The following COPRS variants were observed in gnomAD, a reference collection of about 807,000 sequenced individuals.
COPRS encodes the protein coordinator of PRMT5 and differentiation stimulator.
COPRS carries 11 observed loss-of-function variants against 19.9 expected under a neutral mutation model. The observed-to-expected ratio is 0.55, with a 90% CI of 0.35 to 0.92. COPRS has a LOEUF of 0.92. Among genes scored for constraint, COPRS ranks in the 40% least tolerant of loss-of-function variants. COPRS has a pLI of 0.01. For missense variants in COPRS, 225 were observed against 229.9 expected, an observed-to-expected ratio of 0.98 and a Z score of 0.14; for synonymous variants, 81 against 82.7, an observed-to-expected ratio of 0.98 and a Z score of 0.11.
intron 2 of COPRS, 67 bp downstream of exon 2, chr17:31,856,732 G>A: frequency 1.0e-6 from 1 of 978,848 alleles, no homozygotes; most frequent in Non-Finnish European, 1.7e-6. Context: ...AGGTAAATGA[G>A]ACAGAGGGAC....
In COPRS at chr17:31,852,817, G is replaced by C. The variant is rs767147446; in HGVS notation, c.380C>G (p.Pro127Arg). The C allele has an allele frequency of 6.2e-7, 1 of 1,612,360 alleles. No homozygotes were observed. The highest frequency in any genetic ancestry group is 8.5e-7 in the Non-Finnish European group (1 of 1,178,490). ...CCCAGAGACTCCACACCTACCATAT[G>C]GATTCCCTTGATCTGCTTTCAACTC... ...DSELKADQGNPYDADDIQESI... is the reference protein window; with the variant it reads ...DSELKADQGNRYDADDIQESI... Residue 127 changes from proline to arginine, a missense_variant, in exon 3 of 4, where the codon CCA becomes CGA. Pro to Arg is a moderately radical substitution (Grantham distance 103). Around this residue, in one of 3 missense-constraint regions of COPRS, gnomAD observed 170 missense variants for 171.4 expected, o/e 0.99. Coordinates refer to ENST00000302362, the MANE Select transcript of COPRS (RefSeq NM_018405.4).
Position 31,852,875 on chromosome 17 carries a change from G to A in COPRS, c.322C>T (p.Pro108Ser), listed in dbSNP as rs554260977. ...CAGTCCTCATTAAAAAGATCGCCAGGCTGTTCCTTGGGTGGACAGTTTGTC... is the reference window on the plus strand; with the variant it reads ...CAGTCCTCATTAAAAAGATCGCCAGACTGTTCCTTGGGTGGACAGTTTGTC... ...EGTNCPPKEQ[P>S]GDLFNEDWDS... is the part of the protein sequence containing the mutation. Residue 108 changes from proline to serine, a missense_variant, in exon 3 of 4, where the codon CCT becomes TCT. Pro to Ser is a moderately conservative substitution (Grantham distance 74). Coordinates refer to ENST00000302362, the MANE Select transcript of COPRS (RefSeq NM_018405.4). 86 of 1,614,142 alleles carry A rather than the reference G, an allele frequency of 5.3e-5. No homozygotes were observed. In the South Asian group the frequency reaches 8.8e-4, roughly 16 times the overall value.
intron 1 of COPRS, chr17:31,858,633 G>T: frequency 8.9e-7 from 1 of 1,128,160 alleles, no homozygotes; most frequent in Non-Finnish European, 1.3e-6. Context: ...GGGCCTTTCT[G>T]GTTTCAGTAA....
At chr17:31,853,106 G>A (rs1909215721) in intron 2 of COPRS, 76 bp from the exon 3 acceptor site, 1 of 1,057,620 alleles carries the variant, frequency 9.5e-7, no homozygotes, top group South Asian at 1.3e-5. Context: ...ATTTTGGGCA[G>A]ACTTACTACG....
At chr17:31,854,900 GTGA>G (rs543079838) in intron 2 of COPRS, among the ~76,000 whole-genome samples, 2 of 152,188 alleles carry the variant, frequency 1.3e-5, no homozygotes, top group Non-Finnish European at 2.9e-5. Context: ...CTAGGTAGTG[GTGA>G]TGGTTGCACA....
At chr17:31,858,843 C>G in intron 1 of COPRS, 1 of 1,548,358 alleles carries the variant, frequency 6.5e-7, no homozygotes, top group Non-Finnish European at 8.7e-7. Flanking sequence ...CAGCGGCGCC[C>G]AGCGGGCGGA....
intron 2 of COPRS, among the ~76,000 whole-genome samples, 166 bp from the exon 3 acceptor site, chr17:31,853,196 A>T (rs1567768830): frequency 6.6e-6 from 1 of 152,194 alleles, no homozygotes; most frequent in African/African-American, 2.4e-5. Flanking sequence ...TATGTTTTTA[A>T]AAGAGCTGAT....
Position 31,852,886 on chromosome 17 carries a change from G to T in COPRS, c.311C>A (p.Pro104His). 1 of 1,614,070 alleles carries T rather than the reference G, an allele frequency of 6.2e-7. No homozygotes were observed. Among genetic ancestry groups the T allele is most frequent in the Non-Finnish European group, 8.5e-7 (1 of 1,180,000 alleles). ...WELSEGTNCP[P>H]KEQPGDLFNE... is the part of the protein sequence containing the mutation. ...AAAAAGATCGCCAGGCTGTTCCTTGGGTGGACAGTTTGTCCCTTCTGACAG... is the reference window on the plus strand; with the variant it reads ...AAAAAGATCGCCAGGCTGTTCCTTGTGTGGACAGTTTGTCCCTTCTGACAG... Residue 104 changes from proline to histidine, a missense_variant, in exon 3 of 4, where the codon CCC (proline) becomes CAC (histidine). By Grantham distance (77) the Pro-to-His change is moderately conservative. Around this residue, in one of 3 missense-constraint regions of COPRS, gnomAD observed 170 missense variants for 171.4 expected, o/e 0.99. Coordinates refer to ENST00000302362, the MANE Select transcript of COPRS (RefSeq NM_018405.4).
chr17:31,856,932 C>G, intron 1 of COPRS, 67 bp from the exon 2 acceptor site: 1 of 931,632 alleles, frequency 1.1e-6, no homozygotes, highest in Non-Finnish European at 1.8e-6. Flanking sequence ...TCAGCTATTG[C>G]ATCTCAACCC....
intron 1 of COPRS, chr17:31,858,362 CAT>C: frequency 1.0e-6 from 1 of 985,324 alleles, no homozygotes; most frequent in Non-Finnish European, 1.2e-6. Context: ...CTGCATTTTT[CAT>C]ATCTTACTTT....
intron 1 of COPRS, chr17:31,858,647 GAA>G: frequency 8.2e-7 from 1 of 1,212,204 alleles, no homozygotes; most frequent in Non-Finnish European, 1.2e-6. Context: ...TCAGTAAGGA[GAA>G]GGGGGAGCGC....
intron 3 of COPRS, 66 bp from the exon 4 acceptor site, chr17:31,852,374 C>T (rs1170460213): frequency 7.5e-7 from 1 of 1,339,824 alleles, no homozygotes; most frequent in Non-Finnish European, 1.0e-6. Context: ...TAAAAACGGA[C>T]AGCCAAAAAG....
chr17:31,854,240 T>G (rs1173839649), intron 2 of COPRS, among the ~76,000 whole-genome samples: 1 of 151,088 alleles, frequency 6.6e-6, no homozygotes, highest in Non-Finnish European at 1.5e-5. Context: ...TGCAGTGGCA[T>G]GCACCTGTAA....
intron 1 of COPRS, chr17:31,858,783 GCGGGCCC>G (rs1221570055): frequency 2.6e-6 from 4 of 1,550,538 alleles, no homozygotes; most frequent in Non-Finnish European, 2.6e-6. Context: ...GCTCCTGGCA[GCGGGCCC>G]CGGCTCTCGG....
At chr17:31,857,133 G>A (rs1237660272) in intron 1 of COPRS, among the ~76,000 whole-genome samples, 1 of 152,134 alleles carries the variant, frequency 6.6e-6, no homozygotes, top group Non-Finnish European at 1.5e-5. Flanking sequence ...ACAGAATCCA[G>A]TATACAGTTC....
intron 2 of COPRS, among the ~76,000 whole-genome samples, chr17:31,856,283 T>C (rs1329335420): frequency 2.0e-5 from 3 of 151,850 alleles, no homozygotes; most frequent in South Asian, 2.1e-4. Flanking sequence ...TGCGGTGAGC[T>C]GACATCGTGC....
At chr17:31,858,268 C>A (rs1909423038) in intron 1 of COPRS, 1 of 645,996 alleles carries the variant, frequency 1.5e-6, no homozygotes. Flanking sequence ...ACCAGCCTCT[C>A]ACCTTGATCC....
At chr17:31,857,164 GT>G (rs997612126) in intron 1 of COPRS, among the ~76,000 whole-genome samples, 1 of 152,148 alleles carries the variant, frequency 6.6e-6, no homozygotes, top group African/African-American at 2.4e-5. Flanking sequence ...TGCAGAGCCA[GT>G]CTTATCACTG....
In COPRS at chr17:31,852,029, G is replaced by T; in HGVS notation, c.*110C>A. Reference sequence around the variant, plus strand: ...AAGGAACACTGGTCTGTGTACCCCAGACTAGGGGTCACTGCAAACATTTTC... The same window carrying T: ...AAGGAACACTGGTCTGTGTACCCCATACTAGGGGTCACTGCAAACATTTTC... On this transcript the variant is annotated 3_prime_UTR_variant, in exon 4 of 4. Coordinates refer to ENST00000302362, the MANE Select transcript of COPRS (RefSeq NM_018405.4). The T allele has an allele frequency of 7.9e-7, 1 of 1,271,170 alleles. No individual in the cohort carries two copies. The highest frequency in any genetic ancestry group is 1.1e-6 in the Non-Finnish European group (1 of 890,974). 78.7% of individuals were successfully genotyped at this position (1,271,170 alleles called of 1,614,324 possible).
Sources: gnomAD v4.1 joint callset for allele counts (sites outside exome capture counted in the v4.1 genomes callset) on GRCh38, gnomAD v4.1.1 for gene constraint, gnomAD v4.1.1 regional missense constraint, MANE v1.5 for transcripts, NCBI Gene and HGNC (gene_info 2026-07-23, HGNC 2026-07-21) for gene names.